The following MNAT1 variants were observed in gnomAD, a reference collection of about 807,000 sequenced individuals.
MNAT1 encodes the protein CDK-activating kinase assembly factor MAT1.
A neutral mutation model predicts 42.0 loss-of-function variants in MNAT1; 43 were observed. The ratio of observed to expected loss-of-function variants is 1.02; its 90% CI spans 0.80 to 1.32. The LOEUF (loss-of-function observed/expected upper bound fraction) is 1.32, where lower values mean the gene tolerates loss of function less well. Ranked by LOEUF, MNAT1 falls within the 40% of genes most tolerant of loss-of-function variation. The pLI is 0.00. For missense variants in MNAT1, 306 were observed against 350.4 expected (o/e 0.87, Z 1.01); for synonymous variants, 118 against 120.0 (o/e 0.98, Z 0.11).
chr14:60,797,173 T>C (rs779354097), intron 2 of MNAT1, among the ~76,000 whole-genome samples: 4 of 152,304 alleles, frequency 2.6e-5, no homozygotes, highest in Non-Finnish European at 5.9e-5. Context: ...ACCAGTGTTT[T>C]AGCAGCATCT....
At chr14:60,911,291 A>AT (rs1264123688) in intron 7 of MNAT1, among the ~76,000 whole-genome samples, 2 of 152,058 alleles carry the variant, frequency 1.3e-5, no homozygotes, top group East Asian at 1.9e-4. Context: ...GGATTCATTG[A>AT]TTTTTTTAAG....
intron 6 of MNAT1, among the ~76,000 whole-genome samples, chr14:60,824,063 A>G (rs1161448161): frequency 1.3e-5 from 2 of 152,042 alleles, no homozygotes; most frequent in African/African-American, 2.4e-5. Flanking sequence ...AGGCTGAGGC[A>G]GAAGAATCGC....
intron 7 of MNAT1, among the ~76,000 whole-genome samples, chr14:60,930,253 C>T (rs1038668570): frequency 1.4e-4 from 13 of 91,428 alleles, no homozygotes; most frequent in African/African-American, 5.0e-4. Flanking sequence ...TTATTTGAGT[C>T]TATTTCCTTC....
chr14:60,929,393 T>A (rs1594883695), intron 7 of MNAT1, among the ~76,000 whole-genome samples: 1 of 151,884 alleles, frequency 6.6e-6, no homozygotes, highest in East Asian at 1.9e-4. Flanking sequence ...CTCTTATGTT[T>A]TCCTGTAAAA....
intron 3 of MNAT1, among the ~76,000 whole-genome samples, chr14:60,803,009 T>G (rs2032257114): frequency 6.6e-6 from 1 of 150,730 alleles, no homozygotes; most frequent in South Asian, 2.1e-4. Flanking sequence ...CTCGGCTCAC[T>G]GCATCCTCCG....
intron 1 of MNAT1, among the ~76,000 whole-genome samples, chr14:60,759,932 T>A (rs2030525989): frequency 6.6e-6 from 1 of 152,218 alleles, no homozygotes; most frequent in Non-Finnish European, 1.5e-5. Context: ...TTTAAAGTTC[T>A]GTTCTGCCCA....
intron 5 of MNAT1, 80 bp from the exon 6 acceptor site, chr14:60,818,642 G>T: frequency 7.9e-7 from 1 of 1,267,220 alleles, no homozygotes; most frequent in South Asian, 2.0e-5. Context: ...TTATGGAAAA[G>T]ACATAATTTA....
intron 1 of MNAT1, among the ~76,000 whole-genome samples, chr14:60,739,139 C>T (rs1302308773): frequency 6.6e-6 from 1 of 152,004 alleles, no homozygotes; most frequent in Non-Finnish European, 1.5e-5. Flanking sequence ...GTGGCTTCTC[C>T]CAGAACTAGT....
intron 7 of MNAT1, 84 bp from the exon 8 acceptor site, chr14:60,968,145 A>T: frequency 1.0e-6 from 1 of 970,932 alleles, no homozygotes; most frequent in Non-Finnish European, 1.6e-6. Context: ...TTAAAACTTG[A>T]ATCAGTTTTA....
intron 6 of MNAT1, among the ~76,000 whole-genome samples, chr14:60,836,519 T>A (rs1222178618): frequency 6.6e-6 from 1 of 152,210 alleles, no homozygotes; most frequent in African/African-American, 2.4e-5. Flanking sequence ...TGCTGGAGTT[T>A]GTTGGAGGTC....
intron 7 of MNAT1, among the ~76,000 whole-genome samples, chr14:60,954,284 T>C (rs935538787): frequency 5.3e-5 from 8 of 152,186 alleles, no homozygotes; most frequent in African/African-American, 1.9e-4. Context: ...AATTCAGTGA[T>C]GGAATCATTG....
At chr14:60,836,336 A>G (rs1264348803) in intron 6 of MNAT1, among the ~76,000 whole-genome samples, 2 of 152,094 alleles carry the variant, frequency 1.3e-5, no homozygotes, top group Non-Finnish European at 2.9e-5. Flanking sequence ...TGGAATTTTC[A>G]GCCTTTTTGC....
chr14:60,846,777 T>C (rs942820755), intron 6 of MNAT1, among the ~76,000 whole-genome samples: 3 of 152,218 alleles, frequency 2.0e-5, no homozygotes, highest in African/African-American at 7.2e-5. Context: ...ATATTTTTTA[T>C]TGTGGAGAAT....
At chr14:60,920,806 A>G (rs1030201727) in intron 7 of MNAT1, among the ~76,000 whole-genome samples, 4 of 152,168 alleles carry the variant, frequency 2.6e-5, no homozygotes, top group African/African-American at 9.7e-5. Context: ...GTTTGTAGAA[A>G]TTGTATTTCT....
chr14:60,765,019 G>A (rs1226752445), intron 1 of MNAT1, among the ~76,000 whole-genome samples: 2 of 152,330 alleles, frequency 1.3e-5, no homozygotes, highest in East Asian at 1.9e-4. Context: ...GGGAGGCTGA[G>A]GCGGGTGGAT....
chr14:60,841,285 C>G (rs924631870), intron 6 of MNAT1, among the ~76,000 whole-genome samples: 44 of 151,664 alleles, frequency 2.9e-4, no homozygotes, highest in Admixed American at 2.0e-4. Flanking sequence ...TATGTGTGTA[C>G]TTTAGGTGGC....
At chr14:60,745,350 C>T (rs1896582407) in intron 1 of MNAT1, among the ~76,000 whole-genome samples, 1 of 152,156 alleles carries the variant, frequency 6.6e-6, no homozygotes, top group Non-Finnish European at 1.5e-5. Context: ...CAAAAGCTGG[C>T]CTTACTGTTG....
intron 6 of MNAT1, among the ~76,000 whole-genome samples, chr14:60,834,900 G>A (rs547099662): frequency 3.6e-4 from 54 of 150,720 alleles, no homozygotes; most frequent in African/African-American, 1.3e-3. Context: ...TTGTTGCATT[G>A]ATCCCTTTAC....
At chr14:60,966,720 G>A (rs1435010778) in intron 7 of MNAT1, among the ~76,000 whole-genome samples, 2 of 152,100 alleles carry the variant, frequency 1.3e-5, no homozygotes, top group Non-Finnish European at 2.9e-5. Context: ...TGCCATATTG[G>A]CCAGGCTGGT....
Sources: gnomAD v4.1 joint callset for allele counts (sites outside exome capture counted in the v4.1 genomes callset) on GRCh38, gnomAD v4.1.1 for gene constraint, MANE v1.5 for transcripts, NCBI Gene and HGNC (gene_info 2026-07-23, HGNC 2026-07-21) for gene names.